The following PRDM16 variants were observed in gnomAD, a reference collection of about 807,000 sequenced individuals.
PRDM16 encodes PR/SET domain 16.
Under a neutral mutation model 110.6 loss-of-function variants are expected in PRDM16, and 23 were observed. The ratio of observed to expected loss-of-function variants is 0.21; its 90% CI spans 0.15 to 0.29. The LOEUF is 0.29. Ranked by LOEUF, PRDM16 falls within the 10% of genes least tolerant of loss-of-function variation. The pLI, the probability that PRDM16 is intolerant of heterozygous loss-of-function variation, is 1.00. For missense variants in PRDM16, 1,615 were observed against 1,794.3 expected (o/e 0.90, Z 1.81); for synonymous variants, 799 against 781.8 (o/e 1.02, Z -0.37).
rs1557507745 is a variant in PRDM16 at position 3,181,048 on chromosome 1, AGTCTTACACGCGGTCTTACACACCCG to A, written c.38-5067_38-5042del. Reference sequence around the variant, plus strand: ...GTCTTACACGCGGTCTTACACACGCAGTCTTACACGCGGTCTTACACACCCGGTCTTACACACGGCCTTACACACGC... The same window carrying A: ...GTCTTACACGCGGTCTTACACACGCAGTCTTACACACGGCCTTACACACGC... On this transcript the variant is annotated intron_variant, in intron 1 of 16. Transcript: ENST00000270722. Among the ~76,000 whole-genome samples, 73 of 136,576 alleles carry A rather than the reference AGTCTTACACGCGGTCTTACACACCCG, an allele frequency of 5.3e-4. 5 individuals carry two copies. The East Asian group carries it at 0.015, about 28-fold the overall frequency. 89.6% of individuals were successfully genotyped at this position (136,576 alleles called of 152,430 possible).
At chr1:3,326,134 G>A (rs1279451897) in intron 3 of PRDM16, among the ~76,000 whole-genome samples, 1 of 145,668 alleles carries the variant, frequency 6.9e-6, no homozygotes, top group Admixed American at 6.8e-5. Context: ...GGCCATCCTC[G>A]ACCATCCTTG....
At chr1:3,171,258 G>A (rs1017960909) in intron 1 of PRDM16, among the ~76,000 whole-genome samples, 1 of 152,232 alleles carries the variant, frequency 6.6e-6, no homozygotes, top group Admixed American at 6.5e-5. Flanking sequence ...GTTTGGTGGC[G>A]GTCGGCTGTT....
At chr1:3,172,188 C>A (rs1388426170) in intron 1 of PRDM16, among the ~76,000 whole-genome samples, 1 of 152,120 alleles carries the variant, frequency 6.6e-6, no homozygotes, top group Non-Finnish European at 1.5e-5. Flanking sequence ...CGGCTCTGAA[C>A]GTCCCCCACG....
chr1:3,117,370 A>C (rs1642985130), intron 1 of PRDM16, among the ~76,000 whole-genome samples: 1 of 152,166 alleles, frequency 6.6e-6, no homozygotes, highest in East Asian at 1.9e-4. Context: ...AATTGGAACC[A>C]GGGGTTCGGA....
At chr1:3,327,354 C>T (rs1641936523) in intron 3 of PRDM16, among the ~76,000 whole-genome samples, 1 of 152,136 alleles carries the variant, frequency 6.6e-6, no homozygotes, top group African/African-American at 2.4e-5. Flanking sequence ...TCTGCAGCAG[C>T]CCTCGGGGGG....
chr1:3,171,879 G>A (rs909340199), intron 1 of PRDM16, among the ~76,000 whole-genome samples: 1 of 152,080 alleles, frequency 6.6e-6, no homozygotes. Context: ...TGGATCAGGC[G>A]CCTCCCGAGC....
At chr1:3,139,885 A>G (rs1173318994) in intron 1 of PRDM16, among the ~76,000 whole-genome samples, 1 of 152,246 alleles carries the variant, frequency 6.6e-6, no homozygotes, top group Non-Finnish European at 1.5e-5. Flanking sequence ...TCCCTGGTTC[A>G]GAGCTGTCCC....
chr1:3,146,589 G>T (rs1557482734), intron 1 of PRDM16, among the ~76,000 whole-genome samples: 1 of 148,408 alleles, frequency 6.7e-6, no homozygotes, highest in Non-Finnish European at 1.5e-5. Flanking sequence ...TGGGGCATAT[G>T]TGTGCACGTG....
chr1:3,320,346 A>G (rs2500275), intron 3 of PRDM16, among the ~76,000 whole-genome samples: 58,367 of 152,042 alleles, frequency 0.38, 11,431 homozygotes, highest in Middle Eastern at 0.46. Flanking sequence ...GTGTATGCAC[A>G]CGTGCACACA....
At chr1:3,415,017 C>G (rs370185978) in intron 10 of PRDM16, among the ~76,000 whole-genome samples, 2 of 152,338 alleles carry the variant, frequency 1.3e-5, no homozygotes, top group Admixed American at 6.5e-5. Flanking sequence ...CGTGGGCGCT[C>G]TCTCTGGGGT....
rs1382681305 is a variant in PRDM16, at chr1:3,436,971, C to T, written c.*3160C>T. The T allele has an allele frequency of 4.3e-6, 1 of 233,196 alleles. No individual in the cohort carries two copies. Among genetic ancestry groups the T allele is most frequent in the African/African-American group, 2.2e-5 (1 of 45,358 alleles). The allele number at this position is 233,196 out of a possible 1,614,324, so 14.4% of individuals were successfully genotyped here. A position where few individuals can be genotyped will look rare whatever the true frequency, so the allele number is the denominator to read the frequency against. On this transcript the variant is annotated 3_prime_UTR_variant, in exon 17 of 17. Coordinates refer to ENST00000270722, the MANE Select transcript of PRDM16 (RefSeq NM_022114.4). Reference sequence around the variant, plus strand: ...CTGCCCTCCGCTGCTCCTCAGACCCCAGCCCCCAGCGAGCCGACGTCCCCA... The same window carrying T: ...CTGCCCTCCGCTGCTCCTCAGACCCTAGCCCCCAGCGAGCCGACGTCCCCA...
In PRDM16 at chr1:3,208,661, T is replaced by G. The variant is rs1638808321; in HGVS notation, c.387+22187T>G. On this transcript the variant is annotated intron_variant, in intron 2 of 16. Coordinates refer to ENST00000270722, the MANE Select transcript of PRDM16 (RefSeq NM_022114.4). This position sits in a 1 kb window ranked among gnomAD's most constrained non-coding sequence, Gnocchi z 6.1. ...AACCTGGTGACAGAGCAAGACTCCG[T>G]CTCAAAAAAAAAAAAAAGAAAAGAA... 1 of 139,762 alleles carries G rather than the reference T, an allele frequency of 7.2e-6. No homozygotes were observed. The highest frequency in any genetic ancestry group is 2.9e-5 in the African/African-American group (1 of 34,718). The allele number at this position is 139,762 out of a possible 1,614,324, so 8.7% of individuals were successfully genotyped here. A position where few individuals can be genotyped will look rare whatever the true frequency, so the allele number is the denominator to read the frequency against.
At chr1:3,223,103 CTTTTTTT>C (rs1172383270) in intron 2 of PRDM16, among the ~76,000 whole-genome samples, 3 of 73,994 alleles carry the variant, frequency 4.1e-5, no homozygotes, top group African/African-American at 7.1e-5. Context: ...AAAATCAAGG[CTTTTTTT>C]TTTTTTTTTT....
intron 3 of PRDM16, among the ~76,000 whole-genome samples, chr1:3,340,989 G>A (rs1053858833): frequency 6.6e-6 from 1 of 152,152 alleles, no homozygotes; most frequent in East Asian, 1.9e-4. Flanking sequence ...CCCTCGGGCT[G>A]TGTGGCAGCT....
intron 2 of PRDM16, among the ~76,000 whole-genome samples, chr1:3,222,290 G>A (rs1639170535): frequency 6.7e-6 from 1 of 149,866 alleles, no homozygotes; most frequent in African/African-American, 2.5e-5. Flanking sequence ...CTGGGAGGGA[G>A]CGGTGCCCCA....
rs112135751 is a variant in PRDM16 at position 3,168,503 on chromosome 1, T to C, written c.38-17622T>C. On this transcript the variant is annotated intron_variant, in intron 1 of 16. Coordinates refer to ENST00000270722, the MANE Select transcript of PRDM16 (RefSeq NM_022114.4). Reference sequence around the variant, plus strand: ...GTAAATTAGTTGCTAATGAGGAAAATCAGGAAATTTGCTGAGGCATAAAAA... The same window carrying C: ...GTAAATTAGTTGCTAATGAGGAAAACCAGGAAATTTGCTGAGGCATAAAAA... 1.7e-3 allele frequency among the ~76,000 whole-genome samples: 255 copies of C among 148,774 alleles called. 2 individuals carry two copies. Among genetic ancestry groups the C allele is most frequent in the African/African-American group, 6.2e-3 (248 of 40,120 alleles).
At chr1:3,174,022 A>G (rs1644058521) in intron 1 of PRDM16, among the ~76,000 whole-genome samples, 1 of 152,182 alleles carries the variant, frequency 6.6e-6, no homozygotes, top group East Asian at 1.9e-4. Context: ...AAAGAGCACA[A>G]ACTGGATGGA....
At chr1:3,303,722 C>T (rs1001368409) in intron 3 of PRDM16, among the ~76,000 whole-genome samples, 3 of 152,234 alleles carry the variant, frequency 2.0e-5, no homozygotes, top group African/African-American at 4.8e-5. Context: ...TGCAGACGCC[C>T]GCCTGTCTTT....
At chr1:3,394,604 C>G (rs1244738652) in intron 4 of PRDM16, 2 of 358,206 alleles carry the variant, frequency 5.6e-6, no homozygotes, top group African/African-American at 4.4e-5. Flanking sequence ...GCCCGCTGAC[C>G]CTCCTCTCTC....
Sources: allele counts gnomAD v4.1 joint callset (sites outside exome capture counted in the v4.1 genomes callset), GRCh38; gene constraint gnomAD v4.1.1; non-coding constraint Gnocchi (gnomAD v3.1); transcripts MANE v1.5; gene names NCBI Gene and HGNC (gene_info 2026-07-23, HGNC 2026-07-21).